Variants in FOXP1 observed in about 807,000 individuals in gnomAD.
The protein encoded by FOXP1 is forkhead box P1.
Under a neutral mutation model 98.2 loss-of-function variants are expected in FOXP1, and 15 were observed. That is an observed-to-expected ratio of 0.15 (90% confidence interval 0.10 to 0.24). FOXP1 has a LOEUF of 0.24. FOXP1 is among the 10% of genes least tolerant of loss of function. The pLI is 1.00. For missense variants in FOXP1, 633 were observed against 848.5 expected (o/e 0.75, Z 3.15); for synonymous variants, 371 against 314.5 (o/e 1.18, Z -1.90).
At chr3:71,529,501 T>TGGGGGAGCCAGTTGCC (rs2043656376) in intron 2 of FOXP1, among the ~76,000 whole-genome samples, 1 of 152,176 alleles carries the variant, frequency 6.6e-6, no homozygotes, top group African/African-American at 2.4e-5. Flanking sequence ...GGCCTCAGGA[T>TGGGGGAGCCAGTTGCC]GGGGGAGCCA....
intron 19 of FOXP1, chr3:70,966,288 G>A (rs1485646584): frequency 5.4e-6 from 3 of 551,144 alleles, no homozygotes; most frequent in Admixed American, 2.9e-5. Context: ...GTGCCTGTGG[G>A]TAGGAAGGAC....
At chr3:70,990,036 A>C (rs971518091) in intron 13 of FOXP1, among the ~76,000 whole-genome samples, 2 of 152,206 alleles carry the variant, frequency 1.3e-5, no homozygotes, top group Non-Finnish European at 2.9e-5. Context: ...CTGCCATCGG[A>C]AACATTTTCA....
At chr3:71,282,438 C>T (rs953239759) in intron 5 of FOXP1, among the ~76,000 whole-genome samples, 4 of 152,052 alleles carry the variant, frequency 2.6e-5, no homozygotes, top group Non-Finnish European at 5.9e-5. Flanking sequence ...TCCTTGAGAA[C>T]TTACTACATT....
intron 3 of FOXP1, among the ~76,000 whole-genome samples, chr3:71,487,407 C>T (rs946766150): frequency 6.6e-6 from 1 of 152,128 alleles, no homozygotes; most frequent in East Asian, 1.9e-4. Flanking sequence ...AAACTGTCTG[C>T]CAGATATTAG....
intron 6 of FOXP1, among the ~76,000 whole-genome samples, chr3:71,190,018 C>T (rs2062869079): frequency 6.6e-6 from 1 of 152,236 alleles, no homozygotes; most frequent in Non-Finnish European, 1.5e-5. Context: ...TGCAGTAGCG[C>T]TGTCATGGCC....
intron 5 of FOXP1, chr3:71,276,005 C>A (rs1018637120): frequency 3.3e-5 from 5 of 152,008 alleles, no homozygotes; most frequent in African/African-American, 9.7e-5. Flanking sequence ...CTAATTTGCA[C>A]AAATGACGGG....
At chr3:71,532,689 T>C (rs2043955145) in intron 2 of FOXP1, among the ~76,000 whole-genome samples, 1 of 152,022 alleles carries the variant, frequency 6.6e-6, no homozygotes, top group Non-Finnish European at 1.5e-5. Context: ...GGCCTCCCTC[T>C]TTTTTTTCTT....
At chr3:71,064,039 GTGGCA>G (rs984960201) in intron 7 of FOXP1, among the ~76,000 whole-genome samples, 27 of 152,082 alleles carry the variant, frequency 1.8e-4, no homozygotes, top group Admixed American at 7.2e-4. Context: ...GGAGTACCCC[GTGGCA>G]ATTCCTCAGT....
chr3:71,073,120 G>C (rs1325096527), intron 7 of FOXP1, among the ~76,000 whole-genome samples: 1 of 152,196 alleles, frequency 6.6e-6, no homozygotes, highest in South Asian at 2.1e-4. Flanking sequence ...TGAACAATAG[G>C]AGGAATGTCT....
chr3:70,956,816 G>C lies in FOXP1; in HGVS notation c.*2431C>G, dbSNP rs1223890476. 1 of 181,556 alleles carries C rather than the reference G, an allele frequency of 5.5e-6. No individual in the cohort carries two copies. The highest frequency in any genetic ancestry group is 1.0e-5 in the Non-Finnish European group (1 of 96,210). 11.2% of individuals were successfully genotyped at this position (181,556 alleles called of 1,614,324 possible). On this transcript the variant is annotated 3_prime_UTR_variant, in exon 21 of 21. Coordinates refer to ENST00000649528, the MANE Select transcript of FOXP1 (RefSeq NM_001349338.3). Reference sequence around the variant, plus strand: ...CAGACTGCCCTTTATACAGAAAGCAGAGTGAAGCTTCAAAAGTAACTGCCA... The same window carrying C: ...CAGACTGCCCTTTATACAGAAAGCACAGTGAAGCTTCAAAAGTAACTGCCA...
intron 3 of FOXP1, among the ~76,000 whole-genome samples, chr3:71,489,934 G>C (rs2090944513): frequency 6.6e-6 from 1 of 152,178 alleles, no homozygotes; most frequent in African/African-American, 2.4e-5. Flanking sequence ...TCTGACCCTG[G>C]TCTACCAGGA....
intron 2 of FOXP1, among the ~76,000 whole-genome samples, chr3:71,510,335 G>C (rs1029457002): frequency 1.3e-5 from 2 of 149,866 alleles, no homozygotes; most frequent in African/African-American, 2.5e-5. Context: ...AAATTAGCCA[G>C]GTGTGGTGGT....
chr3:71,227,947 A>G (rs543710384), intron 5 of FOXP1, among the ~76,000 whole-genome samples: 172 of 133,300 alleles, frequency 1.3e-3, no homozygotes, highest in Middle Eastern at 8.3e-3. Flanking sequence ...GTGTATGACT[A>G]TGCAGCTCCC....
intron 12 of FOXP1, among the ~76,000 whole-genome samples, chr3:71,014,237 A>G (rs1194070257): frequency 1.3e-5 from 2 of 152,148 alleles, no homozygotes; most frequent in African/African-American, 4.8e-5. Flanking sequence ...ATGGGAGAAA[A>G]TTTTTGCAAT....
At position 70,992,237 on chromosome 3, in the gene FOXP1, G is replaced by A. The variant is rs1389212348; in HGVS notation, c.1063-4160C>T. ...AGTGAGAGACACTACTTTCTGCCAC[G>A]GACTGAGAAGGCCTTAAACAGTGGC... On this transcript the variant is annotated intron_variant, in intron 13 of 20. Transcript: ENST00000649528. 4.6e-5 allele frequency among the ~76,000 whole-genome samples: 7 copies of A among 152,228 alleles called. No individual in the cohort carries two copies. The East Asian group carries it at 1.4e-3, about 29-fold the overall frequency.
chr3:70,985,742 C>A (rs1190422634), intron 14 of FOXP1, among the ~76,000 whole-genome samples: 1 of 151,616 alleles, frequency 6.6e-6, no homozygotes, highest in Non-Finnish European at 1.5e-5. Flanking sequence ...CTAATCCAAA[C>A]AATCTATGTA....
chr3:71,209,596 A>C (rs1166722867), intron 5 of FOXP1, among the ~76,000 whole-genome samples: 1 of 152,238 alleles, frequency 6.6e-6, no homozygotes, highest in Admixed American at 6.5e-5. Flanking sequence ...CTGTCAGCTT[A>C]TCAATAAAAT....
chr3:70,976,963 C>A lies in FOXP1; in HGVS notation c.1508G>T (p.Arg503Leu). 1 of 1,613,876 alleles carries A rather than the reference C, an allele frequency of 6.2e-7. No homozygotes were observed. The highest frequency in any genetic ancestry group is 1.1e-5 in the South Asian group (1 of 91,034). ...TACCTTCCACGTGGCCGCGTTGCGT[C>A]GGAAGTAAGCAAACATTCGTGTGAA... Reference protein sequence around the residue: ...NWFTRMFAYFRRNAATWKNAV... With the variant: ...NWFTRMFAYFLRNAATWKNAV... The change falls in exon 17 of 21, where the codon CGA becomes CTA. Residue 503 changes from arginine (R) to leucine (L), a missense_variant. By Grantham distance (102) the Arg-to-Leu change is moderately radical. Around this residue, in one of 6 missense-constraint regions of FOXP1, gnomAD observed 141 missense variants for 199.5 expected, o/e 0.71. Coordinates refer to ENST00000649528, the MANE Select transcript of FOXP1 (RefSeq NM_001349338.3).
intron 5 of FOXP1, among the ~76,000 whole-genome samples, chr3:71,200,714 GA>G (rs1271385691): frequency 2.6e-5 from 4 of 152,218 alleles, no homozygotes; most frequent in African/African-American, 9.6e-5. Context: ...ATTGTGGAAG[GA>G]CATATGTACA....
Sources: allele counts gnomAD v4.1 joint callset (sites outside exome capture counted in the v4.1 genomes callset), GRCh38; gene constraint gnomAD v4.1.1; regional missense constraint gnomAD v4.1.1; transcripts MANE v1.5; gene names NCBI Gene and HGNC (gene_info 2026-07-23, HGNC 2026-07-21).